PTPRS: variants seen among roughly 807,000 people sequenced by gnomAD.
PTPRS encodes the protein protein tyrosine phosphatase receptor type S.
In PTPRS, 63 loss-of-function variants were observed where a neutral mutation model predicts 215.3. The ratio of observed to expected loss-of-function variants is 0.29; its 90% CI spans 0.24 to 0.36. PTPRS has a LOEUF of 0.36. PTPRS is among the 10% of genes least tolerant of loss of function. The pLI, the probability that PTPRS is intolerant of heterozygous loss-of-function variation, is 1.00. For missense variants in PTPRS, 2,258 were observed against 2,825.8 expected, an observed-to-expected ratio of 0.80 and a Z score of 4.56; for synonymous variants, 1,404 against 1,191.4, an observed-to-expected ratio of 1.18 and a Z score of -3.68.
rs759719156 is a variant in PTPRS at position 5,243,944 on chromosome 19, G to A, written c.1527C>T (p.Asp509=). The change falls in exon 11 of 38, where the codon GAC becomes GAT. Residue 509 remains aspartate, a synonymous_variant. Coordinates refer to ENST00000262963, the MANE Select transcript of PTPRS (RefSeq NM_002850.4). ...CCTGGATGGGGTCCGAGAGGGGCCC[G>A]TCGCCGACGGAGGTGAAGGCGAGCA... ...VRVLAFTSVG[D]GPLSDPIQVK... 7.6e-6 allele frequency: 12 copies of A among 1,580,138 alleles called. No individual in the cohort carries two copies. The highest frequency in any genetic ancestry group is 1.0e-5 in the Non-Finnish European group (12 of 1,167,612).
intron 1 of PTPRS, among the ~76,000 whole-genome samples, chr19:5,305,751 AT>A (rs1317977181): frequency 2.7e-4 from 31 of 113,964 alleles, no homozygotes; most frequent in African/African-American, 9.8e-4. Context: ...AAATAAATAT[AT>A]ATATATATAT....
chr19:5,225,852 C>CACGGCTGGGGGTCAGCACG lies in PTPRS; in HGVS notation c.2377-27_2377-9dup. On this transcript the variant is annotated splice_polypyrimidine_tract_variant and intron_variant, in intron 16 of 37. Coordinates refer to ENST00000262963, the MANE Select transcript of PTPRS (RefSeq NM_002850.4). ...GTTTGTGATGACCATCTCCTGCAGG[C>CACGGCTGGGGGTCAGCACG]ACGGCTGGGGGTCAGCACGACGGCT... is the stretch of plus-strand genomic sequence containing the variant. The CACGGCTGGGGGTCAGCACG allele has an allele frequency of 1.2e-6, 2 of 1,611,328 alleles. No individual in the cohort carries two copies. The highest frequency in any genetic ancestry group is 1.7e-6 in the Non-Finnish European group (2 of 1,177,666).
chr19:5,238,474 T>G (rs566144286), intron 13 of PTPRS, among the ~76,000 whole-genome samples: 1 of 152,222 alleles, frequency 6.6e-6, no homozygotes, highest in East Asian at 1.9e-4. Flanking sequence ...TGGGTTCGTC[T>G]CTGTGTCCTT....
intron 12 of PTPRS, 101 bp from the exon 13 acceptor site, chr19:5,239,164 GGAGAGAGAGA>G (rs36138461): frequency 1.4e-5 from 6 of 433,586 alleles, no homozygotes; most frequent in African/African-American, 9.5e-5. Flanking sequence ...GGGGGGAGGG[GGAGAGAGAGA>G]GAGAGAGAGA....
chr19:5,276,178 T>TA (rs2047343072), intron 2 of PTPRS, among the ~76,000 whole-genome samples: 1 of 152,242 alleles, frequency 6.6e-6, no homozygotes, highest in African/African-American at 2.4e-5. Flanking sequence ...CGATCTGATG[T>TA]ATTCATTCAG....
intron 1 of PTPRS, among the ~76,000 whole-genome samples, chr19:5,316,110 G>A (rs1205289811): frequency 6.6e-6 from 1 of 151,098 alleles, no homozygotes; most frequent in Non-Finnish European, 1.5e-5. Context: ...GTAGAGACAG[G>A]GTCTTGCTAT....
At chr19:5,272,074 T>C (rs543455501) in intron 4 of PTPRS, among the ~76,000 whole-genome samples, 1 of 152,068 alleles carries the variant, frequency 6.6e-6, no homozygotes, top group Non-Finnish European at 1.5e-5. Flanking sequence ...TTCATTAACC[T>C]GCCCTAGGTC....
Position 5,258,130 on chromosome 19 carries a change from G to A in PTPRS, c.596-3C>T. The stretch of plus-strand genomic sequence containing the variant: ...ACTGCTTTCAATCTGCAGGGCTCCT[G>A]TGGGAAGATGGGAAAAAGCTTGGTC... On this transcript the variant is annotated splice_polypyrimidine_tract_variant and splice_region_variant and intron_variant, in intron 7 of 37. Coordinates refer to ENST00000262963, the MANE Select transcript of PTPRS (RefSeq NM_002850.4). 2 of 1,612,980 alleles carry A rather than the reference G, an allele frequency of 1.2e-6. No homozygotes were observed. The highest frequency in any genetic ancestry group is 1.7e-6 in the Non-Finnish European group (2 of 1,178,940).
rs1172362128 is a variant in PTPRS, at chr19:5,294,015, C to CGGAGG, written c.-94-7786_-94-7782dup. On this transcript the variant is annotated intron_variant, in intron 1 of 37. Transcript: ENST00000262963. This position sits in a 1 kb window ranked among gnomAD's most constrained non-coding sequence, Gnocchi z 5.1. Reference sequence around the variant, plus strand: ...CGGGGTGCGGGTTTGAAAACTCCACCGGAGGGGCCCGGAATGTAGAAGCCC... The same window carrying CGGAGG: ...CGGGGTGCGGGTTTGAAAACTCCACCGGAGGGGAGGGGCCCGGAATGTAGAAGCCC... 5.9e-5 allele frequency among the ~76,000 whole-genome samples: 9 copies of CGGAGG among 152,224 alleles called. No homozygotes were observed. In the East Asian group the frequency reaches 1.7e-3, roughly 29 times the overall value.
At chr19:5,255,142 C>T (rs2045450890) in intron 9 of PTPRS, among the ~76,000 whole-genome samples, 2 of 152,212 alleles carry the variant, frequency 1.3e-5, no homozygotes, top group Admixed American at 1.3e-4. Context: ...GCTTAAGCTT[C>T]CTTCCAACAT....
chr19:5,294,578 GC>G lies in PTPRS; in HGVS notation c.-94-8345del, dbSNP rs2049070722. On this transcript the variant is annotated intron_variant, in intron 1 of 37. Transcript: ENST00000262963. The surrounding 1 kb of genome is among the most constrained non-coding windows in gnomAD (Gnocchi z 5.1). The stretch of plus-strand genomic sequence containing the variant: ...GTGAGAGCCCAGCAGAAACAATTCC[GC>G]TCCCACGGCTCCCGTCCATGCCCTC... 6.6e-6 allele frequency: 1 copy of G among 152,098 alleles called. No individual in the cohort carries two copies. The highest frequency in any genetic ancestry group is 2.4e-5 in the African/African-American group (1 of 41,396). The allele number at this position is 152,098 out of a possible 1,614,324, so 9.4% of individuals were successfully genotyped here. A position where few individuals can be genotyped will look rare whatever the true frequency, so the allele number is the denominator to read the frequency against.
At chr19:5,259,698 A>G (rs2146280919) in intron 7 of PTPRS, among the ~76,000 whole-genome samples, 1 of 152,264 alleles carries the variant, frequency 6.6e-6, no homozygotes, top group South Asian at 2.1e-4. Context: ...ATATCCCCAA[A>G]TGTGTTTGAA....
At chr19:5,340,260 A>ACCGGCT (rs2050648298) in intron 1 of PTPRS, among the ~76,000 whole-genome samples, 1 of 148,816 alleles carries the variant, frequency 6.7e-6, no homozygotes, top group South Asian at 2.1e-4. Context: ...CGGGGCCGGC[A>ACCGGCT]CCGGCTCCGC....
chr19:5,235,282 G>A (rs549129005), intron 13 of PTPRS, among the ~76,000 whole-genome samples: 1 of 151,792 alleles, frequency 6.6e-6, no homozygotes, highest in South Asian at 2.1e-4. Flanking sequence ...GCCAAGCATC[G>A]TGCTAAGGGC....
At chr19:5,227,938 AC>A (rs910916604) in intron 16 of PTPRS, among the ~76,000 whole-genome samples, 1 of 151,538 alleles carries the variant, frequency 6.6e-6, no homozygotes. Flanking sequence ...GCACACACGC[AC>A]CCCCCCAAGC....
intron 2 of PTPRS, among the ~76,000 whole-genome samples, chr19:5,276,291 C>T (rs1057154733): frequency 4.6e-5 from 7 of 152,128 alleles, no homozygotes; most frequent in Admixed American, 1.3e-4. Context: ...GGTGCCATCT[C>T]GGCTCAATGC....
chr19:5,272,075 G>A (rs781325503), intron 4 of PTPRS, among the ~76,000 whole-genome samples: 1 of 152,076 alleles, frequency 6.6e-6, no homozygotes, highest in Non-Finnish European at 1.5e-5. Flanking sequence ...TCATTAACCT[G>A]CCCTAGGTCA....
At chr19:5,240,696 G>A (rs969918333) in intron 11 of PTPRS, among the ~76,000 whole-genome samples, 7 of 151,358 alleles carry the variant, frequency 4.6e-5, no homozygotes, top group African/African-American at 7.3e-5. Context: ...AAAATTAGCC[G>A]GGCGCGGTGG....
At chr19:5,235,837 G>A (rs2043397576) in intron 13 of PTPRS, among the ~76,000 whole-genome samples, 2 of 152,178 alleles carry the variant, frequency 1.3e-5, no homozygotes, top group South Asian at 2.1e-4. Context: ...ATATTAAAGG[G>A]AACTGTCTGT....
Sources: allele counts gnomAD v4.1 joint callset (sites outside exome capture counted in the v4.1 genomes callset), GRCh38; gene constraint gnomAD v4.1.1; non-coding constraint Gnocchi (gnomAD v3.1); transcripts MANE v1.5; gene names NCBI Gene and HGNC (gene_info 2026-07-23, HGNC 2026-07-21).